KLRF1: variants seen among roughly 807,000 people sequenced by gnomAD.
KLRF1 encodes the protein killer cell lectin-like receptor subfamily F member 1.
KLRF1 carries 27 observed loss-of-function variants against 30.7 expected under a neutral mutation model. That is an observed-to-expected ratio of 0.88 (90% CI 0.65 to 1.21). KLRF1 has a LOEUF of 1.21. Among genes scored for constraint, KLRF1 ranks in the 50% most tolerant of loss-of-function variants. The pLI is 0.00. For missense variants in KLRF1, 246 were observed against 259.3 expected (o/e 0.95, Z 0.35); for synonymous variants, 92 against 89.3 (o/e 1.03, Z -0.17).
chr12:9,802,398 C>A, the KLRF1 span, among the ~76,000 whole-genome samples: 1 of 151,966 alleles, frequency 6.6e-6, no homozygotes, highest in East Asian at 1.9e-4. Context: ...TGGGCAAAAG[C>A]TGGAAGCATT....
chr12:9,800,399 A>T, the KLRF1 span, among the ~76,000 whole-genome samples: 1 of 151,964 alleles, frequency 6.6e-6, no homozygotes, highest in Non-Finnish European at 1.5e-5. Flanking sequence ...ATTTTATTAC[A>T]CTCATCAATC....
the KLRF1 span, among the ~76,000 whole-genome samples, chr12:9,813,728 G>A: frequency 6.6e-6 from 1 of 152,190 alleles, no homozygotes; most frequent in African/African-American, 2.4e-5. Context: ...GAAAGAGACA[G>A]AGGGGAGGCA....
At chr12:9,814,055 C>A in the KLRF1 span, among the ~76,000 whole-genome samples, 1 of 152,182 alleles carries the variant, frequency 6.6e-6, no homozygotes, top group Admixed American at 6.5e-5. Context: ...ACTTCCCCCA[C>A]AACACCCCAC....
chr12:9,842,574 T>A, intron 5 of KLRF1, 141 bp downstream of exon 5: 1 of 622,008 alleles, frequency 1.6e-6, no homozygotes, highest in Non-Finnish European at 2.5e-6. Context: ...TTTACAGGAG[T>A]AATGATGGAT....
At chr12:9,826,247 T>G (rs1337768203), upstream of KLRF1, among the ~76,000 whole-genome samples, 3 of 152,124 alleles carry the variant, frequency 2.0e-5, no homozygotes, top group Non-Finnish European at 4.4e-5. Flanking sequence ...ATTAGTTATT[T>G]TTCCTGATCC....
upstream of KLRF1, among the ~76,000 whole-genome samples, chr12:9,826,349 C>T (rs769316987): frequency 6.6e-6 from 1 of 151,924 alleles, no homozygotes; most frequent in South Asian, 2.1e-4. Flanking sequence ...TCATACCAGT[C>T]GAATGGCTAT....
chr12:9,803,158 A>G, the KLRF1 span, among the ~76,000 whole-genome samples: 1 of 152,126 alleles, frequency 6.6e-6, no homozygotes, highest in Non-Finnish European at 1.5e-5. Flanking sequence ...ATAACATCAC[A>G]CATCTACAAC....
intron 3 of KLRF1, among the ~76,000 whole-genome samples, chr12:9,834,480 G>A (rs1867525668): frequency 6.6e-6 from 1 of 152,074 alleles, no homozygotes; most frequent in Admixed American, 6.6e-5. Context: ...GCGGGATTAG[G>A]TGTGGCGTGG....
rs1255564856 is a variant in KLRF1 at position 9,836,083 on chromosome 12, A to G, written c.334+2631A>G. The stretch of plus-strand genomic sequence containing the variant: ...GAAATGCAAAGCCAGCAGTTGTTCA[A>G]TAAGGAGAGATTAGAAATGGCTAGG... On this transcript the variant is annotated intron_variant, in intron 3 of 5. Transcript: ENST00000617889. Among the ~76,000 whole-genome samples, 3 of 152,058 alleles carry G rather than the reference A, an allele frequency of 2.0e-5. No individual in the cohort carries two copies. In the East Asian group the frequency reaches 5.8e-4, roughly 29 times the overall value.
chr12:9,832,318 T>C lies in KLRF1; in HGVS notation c.88T>C (p.Tyr30His). 1.3e-6 allele frequency: 2 copies of C among 1,560,668 alleles called. No homozygotes were observed. ...AQTSQLTFKD[Y>H]SVTLHWYKIL... ...AATTCATGTGATTAATGTCTCAGAT[T>C]ATTCAGTGACGTTGCACTGGTATAA... The change falls in exon 2 of 6, where the codon TAT becomes CAT. Residue 30 changes from tyrosine to histidine, a missense_variant and splice_region_variant. Transcript: ENST00000617889.
rs1284399614 is a variant in KLRF1 at position 9,844,454 on chromosome 12, T to A, written c.624T>A (p.Cys208Ter). 6.2e-7 allele frequency: 1 copy of A among 1,609,420 alleles called. No homozygotes were observed. Among genetic ancestry groups the A allele is most frequent in the East Asian group, 2.2e-5 (1 of 44,794 alleles). Residue 208 changes from cysteine (C) to a stop codon, truncating the protein, a stop_gained, in exon 6 of 6, where the codon TGT (cysteine) becomes TGA (stop). Transcript: ENST00000617889. LOFTEE classifies it high-confidence loss of function. ...AGGGACCAGCTAAAGAAAACAGCTG[T>A]GCTGCCATTAAGGAAAGCAAAATTT... ...FIKGPAKENS[C>*]AAIKESKIFS...
rs61914618 is a variant in KLRF1, at chr12:9,835,664, C to T, written c.334+2212C>T. Among the ~76,000 whole-genome samples, 838 of 152,056 alleles carry T rather than the reference C, an allele frequency of 5.5e-3. 3 individuals are homozygous for T. The highest frequency in any genetic ancestry group is 9.4e-3 in the Non-Finnish European group (636 of 67,974). On this transcript the variant is annotated intron_variant, in intron 3 of 5. Transcript: ENST00000617889. ...CGGAGCTGGAAGGCTCCAATTGTTT[C>T]GGTGACATGCATAGCTGGACTTTGG...
upstream of KLRF1, among the ~76,000 whole-genome samples, chr12:9,825,781 T>C (rs760525697): frequency 1.4e-4 from 21 of 152,210 alleles, no homozygotes; most frequent in South Asian, 3.9e-3. Context: ...TTGACAAAGG[T>C]CTAATATCCA....
intron 4 of KLRF1, 25 bp from the exon 5 acceptor site, chr12:9,842,296 A>G (rs777407019): frequency 6.2e-7 from 1 of 1,606,884 alleles, no homozygotes; most frequent in Non-Finnish European, 8.5e-7. Context: ...TATTTTGTTC[A>G]TTTAGTCCCT....
At chr12:9,838,018 G>T (rs1867618694) in intron 3 of KLRF1, among the ~76,000 whole-genome samples, 1 of 152,098 alleles carries the variant, frequency 6.6e-6, no homozygotes. Flanking sequence ...GTGGGTCCCA[G>T]GTTGGATAAT....
chr12:9,816,038 G>A, the KLRF1 span, among the ~76,000 whole-genome samples: 51 of 152,090 alleles, frequency 3.4e-4, no homozygotes, highest in African/African-American at 1.2e-3. Context: ...GGCTGGTCTC[G>A]AACTCCTGAT....
Position 9,844,566 on chromosome 12 carries a change from AT to A in KLRF1, c.*45del. ...CACAGTGAAATAATCAATGATCACT[AT>A]TTTTGGCCTATTAGTTTCTAATATT... On this transcript the variant is annotated 3_prime_UTR_variant, in exon 6 of 6. Transcript: ENST00000617889. 5.3e-6 allele frequency: 6 copies of A among 1,133,724 alleles called. No homozygotes were observed. Among genetic ancestry groups the A allele is most frequent in the Non-Finnish European group, 6.6e-6 (5 of 760,356 alleles). 70.2% of individuals were successfully genotyped at this position (1,133,724 alleles called of 1,614,324 possible).
At chr12:9,813,327 A>G in the KLRF1 span, among the ~76,000 whole-genome samples, 1 of 151,992 alleles carries the variant, frequency 6.6e-6, no homozygotes, top group South Asian at 2.1e-4. Context: ...ATTATTTTCG[A>G]GACGGGGACT....
At chr12:9,832,764 T>C (rs1301348635) in intron 2 of KLRF1, among the ~76,000 whole-genome samples, 1 of 152,080 alleles carries the variant, frequency 6.6e-6, no homozygotes, top group African/African-American at 2.4e-5. Context: ...ATTTTACTGT[T>C]TTGCTTAAAT....
Sources: gnomAD v4.1 joint callset for allele counts (sites outside exome capture counted in the v4.1 genomes callset) on GRCh38, gnomAD v4.1.1 for gene constraint, MANE v1.5 for transcripts, NCBI Gene and HGNC (gene_info 2026-07-23, HGNC 2026-07-21) for gene names.